TMOD3: variants seen among roughly 807,000 people sequenced by gnomAD.
The protein encoded by TMOD3 is tropomodulin-3.
TMOD3 carries 20 observed loss-of-function variants against 39.2 expected under a neutral mutation model. The ratio of observed to expected loss-of-function variants is 0.51; its 90% confidence interval spans 0.36 to 0.74. The LOEUF (loss-of-function observed/expected upper bound fraction) is 0.74. TMOD3 is among the 30% of genes least tolerant of loss of function. TMOD3 has a pLI of 0.00. For missense variants in TMOD3, 381 were observed against 412.8 expected (o/e 0.92, Z 0.67); for synonymous variants, 143 against 145.8 (o/e 0.98, Z 0.14).
Position 51,888,953 on chromosome 15 carries a change from A to T in TMOD3, c.407-103A>T, listed in dbSNP as rs966579183. ...TGTGTGGGTGTGTGATCTGTAATTTATAGGAAAAGGTCCAGAGGATATTAA... is the reference window on the plus strand; with the variant it reads ...TGTGTGGGTGTGTGATCTGTAATTTTTAGGAAAAGGTCCAGAGGATATTAA... On this transcript the variant is annotated intron_variant, in intron 4 of 9. Coordinates refer to ENST00000308580, the MANE Select transcript of TMOD3 (RefSeq NM_014547.5). 5.8e-6 allele frequency: 4 copies of T among 694,440 alleles called. No homozygotes were observed. The African/African-American group carries it at 7.6e-5, about 13-fold the overall frequency. 43.0% of individuals were successfully genotyped at this position (694,440 alleles called of 1,614,324 possible).
At chr15:51,854,171 G>A (rs2056376980) in intron 1 of TMOD3, among the ~76,000 whole-genome samples, 1 of 152,182 alleles carries the variant, frequency 6.6e-6, no homozygotes, top group Non-Finnish European at 1.5e-5. Flanking sequence ...AACTTTTTCT[G>A]TAAAGGGCCA....
intron 3 of TMOD3, among the ~76,000 whole-genome samples, chr15:51,872,383 G>A (rs2078830758): frequency 6.6e-6 from 1 of 151,272 alleles, no homozygotes; most frequent in African/African-American, 2.4e-5. Flanking sequence ...ACAGAGTCGA[G>A]ACCCTGTCTC....
intron 1 of TMOD3, among the ~76,000 whole-genome samples, chr15:51,846,901 A>G (rs916431360): frequency 2.0e-5 from 3 of 152,166 alleles, no homozygotes; most frequent in Non-Finnish European, 4.4e-5. Flanking sequence ...AAACTGAAAA[A>G]CATTTGGTGC....
At chr15:51,901,352 CTA>C (rs2056649109) in intron 8 of TMOD3, 2 of 153,406 alleles carry the variant, frequency 1.3e-5, no homozygotes, top group African/African-American at 2.4e-5. Flanking sequence ...CATGGTAACT[CTA>C]TGTTTAACTT....
intron 7 of TMOD3, 36 bp from the exon 8 acceptor site, chr15:51,900,119 A>G (rs947868526): frequency 6.2e-7 from 1 of 1,605,266 alleles, no homozygotes; most frequent in Non-Finnish European, 8.5e-7. Context: ...GTACTGTATC[A>G]AATTTTAATC....
At chr15:51,879,163 G>A (rs2056520160) in intron 3 of TMOD3, among the ~76,000 whole-genome samples, 1 of 152,182 alleles carries the variant, frequency 6.6e-6, no homozygotes, top group South Asian at 2.1e-4. Flanking sequence ...GTTTGGATAA[G>A]TGCCATACAT....
At chr15:51,888,974 A>G in intron 4 of TMOD3, 82 bp from the exon 5 acceptor site, 1 of 832,146 alleles carries the variant, frequency 1.2e-6, no homozygotes, top group Non-Finnish European at 1.9e-6. Flanking sequence ...TCCAGAGGAT[A>G]TTAAAATTAT....
chr15:51,896,640 T>C lies in TMOD3; in HGVS notation c.735+114T>C, dbSNP rs942087774. The C allele has an allele frequency of 3.4e-5, 24 of 703,896 alleles. No homozygotes were observed. In the African/African-American group the frequency reaches 3.9e-4, roughly 12 times the overall value. 43.6% of individuals were successfully genotyped at this position (703,896 alleles called of 1,614,324 possible). A position where few individuals can be genotyped will look rare whatever the true frequency, so the allele number is the denominator to read the frequency against. On this transcript the variant is annotated intron_variant, in intron 7 of 9. Coordinates refer to ENST00000308580, the MANE Select transcript of TMOD3 (RefSeq NM_014547.5). ...TTATAGTTAATGTTTTAGCTCACTA[T>C]TAGGCAGTATATTACTTACCAGCTT...
chr15:51,859,719 C>A, intron 1 of TMOD3: 1 of 486,762 alleles, frequency 2.1e-6, no homozygotes, highest in African/African-American at 2.0e-5. Context: ...ATGGCTATGT[C>A]AGGGCTCTTT....
intron 9 of TMOD3, among the ~76,000 whole-genome samples, chr15:51,908,027 G>T (rs1228371435): frequency 6.6e-6 from 1 of 152,162 alleles, no homozygotes; most frequent in Non-Finnish European, 1.5e-5. Flanking sequence ...CCCTGAACTG[G>T]TTTATATTAC....
At chr15:51,857,035 G>A (rs767459661) in intron 1 of TMOD3, among the ~76,000 whole-genome samples, 33 of 152,218 alleles carry the variant, frequency 2.2e-4, no homozygotes, top group Non-Finnish European at 3.7e-4. Context: ...TCATTTATAC[G>A]ATAGAATAGT....
chr15:51,900,370 A>T, intron 8 of TMOD3, 72 bp downstream of exon 8: 1 of 1,557,150 alleles, frequency 6.4e-7, no homozygotes, highest in Non-Finnish European at 8.7e-7. Context: ...GCGACTCAGG[A>T]TGGGGATGGG....
intron 1 of TMOD3, among the ~76,000 whole-genome samples, chr15:51,835,618 AT>A (rs2056279052): frequency 6.6e-6 from 1 of 152,052 alleles, no homozygotes; most frequent in Non-Finnish European, 1.5e-5. Flanking sequence ...CTTAGTTTCC[AT>A]GTTTCTACTC....
At chr15:51,876,990 G>T (rs988570585) in intron 3 of TMOD3, among the ~76,000 whole-genome samples, 1 of 152,050 alleles carries the variant, frequency 6.6e-6, no homozygotes, top group Non-Finnish European at 1.5e-5. Flanking sequence ...TTGAGCCTAC[G>T]AGTTCATTGC....
intron 5 of TMOD3, among the ~76,000 whole-genome samples, chr15:51,889,996 A>G (rs769852947): frequency 6.6e-6 from 1 of 152,108 alleles, no homozygotes; most frequent in African/African-American, 2.4e-5. Flanking sequence ...CATGCCCTCT[A>G]CTTCCCCAAA....
At position 51,912,052 on chromosome 15, in the gene TMOD3, A is replaced by G. The variant is rs572529487; in HGVS notation, c.*3242A>G. 1.3e-5 allele frequency: 2 copies of G among 152,348 alleles called. No individual in the cohort carries two copies. Among genetic ancestry groups the G allele is most frequent in the Admixed American group, 6.5e-5 (1 of 15,294 alleles). 9.4% of individuals were successfully genotyped at this position (152,348 alleles called of 1,614,324 possible). A position where few individuals can be genotyped will look rare whatever the true frequency, so the allele number is the denominator to read the frequency against. Reference sequence around the variant, plus strand: ...AGAAGTTACATGTAAATAGAATTCTATAAATTGTTTTCCAGTTGACCGAGT... The same window carrying G: ...AGAAGTTACATGTAAATAGAATTCTGTAAATTGTTTTCCAGTTGACCGAGT... On this transcript the variant is annotated 3_prime_UTR_variant, in exon 10 of 10. Coordinates refer to ENST00000308580, the MANE Select transcript of TMOD3 (RefSeq NM_014547.5).
chr15:51,864,735 C>T (rs1595897370), intron 2 of TMOD3, among the ~76,000 whole-genome samples: 1 of 152,160 alleles, frequency 6.6e-6, no homozygotes, highest in East Asian at 1.9e-4. Context: ...AGGCTCAGGG[C>T]TATGTAACTA....
At chr15:51,872,223 C>T (rs540212300) in intron 3 of TMOD3, among the ~76,000 whole-genome samples, 103 of 152,156 alleles carry the variant, frequency 6.8e-4, no homozygotes, top group African/African-American at 2.0e-3. Context: ...GGTGAAACCC[C>T]GTCTCTACTA....
intron 1 of TMOD3, chr15:51,859,750 C>T (rs1254535148): frequency 4.1e-6 from 2 of 493,364 alleles, no homozygotes; most frequent in African/African-American, 2.0e-5. Flanking sequence ...GCACATGCAC[C>T]TTCATCTGCC....
Sources: gnomAD v4.1 joint callset for allele counts (sites outside exome capture counted in the v4.1 genomes callset) on GRCh38, gnomAD v4.1.1 for gene constraint, MANE v1.5 for transcripts, NCBI Gene and HGNC (gene_info 2026-07-23, HGNC 2026-07-21) for gene names.